COL14A1: variants seen among roughly 807,000 people sequenced by gnomAD.
The protein encoded by COL14A1 is collagen type XIV alpha 1 chain.
A neutral mutation model predicts 230.3 loss-of-function variants in COL14A1; 136 were observed. That is an observed-to-expected ratio of 0.59 (90% confidence interval 0.51 to 0.68). COL14A1 has a LOEUF of 0.68. COL14A1 is among the 30% of genes least tolerant of loss of function. The probability of loss-of-function intolerance (pLI) is 0.00; values close to 1 mark genes in which losing one functional copy is unlikely to be tolerated. For missense variants in COL14A1, 1,976 were observed against 2,215.8 expected, an observed-to-expected ratio of 0.89 and a Z score of 2.17; for synonymous variants, 792 against 784.1, an observed-to-expected ratio of 1.01 and a Z score of -0.17.
chr8:120,229,980 A>C (rs1228672315), intron 18 of COL14A1, among the ~76,000 whole-genome samples: 2 of 152,128 alleles, frequency 1.3e-5, no homozygotes, highest in Non-Finnish European at 2.9e-5. Context: ...TCCTGGGCTC[A>C]TGTGATCCTC....
intron 5 of COL14A1, among the ~76,000 whole-genome samples, chr8:120,194,436 C>T (rs143911417): frequency 6.6e-6 from 1 of 152,088 alleles, no homozygotes; most frequent in Non-Finnish European, 1.5e-5. Flanking sequence ...TGACCATACC[C>T]CACACTTATG....
At chr8:120,152,241 C>T (rs867077104) in intron 2 of COL14A1, among the ~76,000 whole-genome samples, 1 of 151,790 alleles carries the variant, frequency 6.6e-6, no homozygotes, top group Non-Finnish European at 1.5e-5. Flanking sequence ...GCGGGCGGAT[C>T]ACGAGGTCAG....
chr8:120,255,441 C>A, intron 23 of COL14A1, 85 bp downstream of exon 23: 1 of 994,660 alleles, frequency 1.0e-6, no homozygotes, highest in Non-Finnish European at 1.6e-6. Context: ...ACACAAGTAG[C>A]ATTAGACAAC....
At chr8:120,338,793 T>G (rs1822176642) in intron 42 of COL14A1, among the ~76,000 whole-genome samples, 1 of 152,198 alleles carries the variant, frequency 6.6e-6, no homozygotes, top group South Asian at 2.1e-4. Flanking sequence ...ATTTGCTGAT[T>G]TTTTTGTTTT....
At chr8:120,133,698 C>A (rs1814620740) in intron 1 of COL14A1, among the ~76,000 whole-genome samples, 1 of 152,072 alleles carries the variant, frequency 6.6e-6, no homozygotes, top group Admixed American at 6.5e-5. Flanking sequence ...TCTTCAAAAT[C>A]AAAGTCATGC....
At chr8:120,314,495 A>G (rs939321698) in intron 38 of COL14A1, among the ~76,000 whole-genome samples, 1 of 152,132 alleles carries the variant, frequency 6.6e-6, no homozygotes, top group Non-Finnish European at 1.5e-5. Context: ...TTTTTAGATG[A>G]TGTATTTTAT....
chr8:120,307,131 A>C (rs1336465155), intron 36 of COL14A1, among the ~76,000 whole-genome samples: 2 of 152,186 alleles, frequency 1.3e-5, no homozygotes, highest in African/African-American at 4.8e-5. Context: ...TTCTTGATCA[A>C]ATTGGCCAAA....
At chr8:120,363,241 C>A (rs1328230945) in intron 45 of COL14A1, among the ~76,000 whole-genome samples, 1 of 152,154 alleles carries the variant, frequency 6.6e-6, no homozygotes, top group African/African-American at 2.4e-5. Flanking sequence ...GAACACTATG[C>A]AACCATAAAA....
intron 5 of COL14A1, among the ~76,000 whole-genome samples, chr8:120,169,211 A>G (rs1344881163): frequency 6.6e-6 from 1 of 152,220 alleles, no homozygotes; most frequent in African/African-American, 2.4e-5. Flanking sequence ...TATCACAAAC[A>G]TGCTGTAACA....
intron 20 of COL14A1, 65 bp downstream of exon 20, chr8:120,244,073 A>C: frequency 6.4e-7 from 1 of 1,554,926 alleles, no homozygotes; most frequent in Non-Finnish European, 8.7e-7. Flanking sequence ...TGTCCCCTGT[A>C]ATGCACCCTG....
intron 19 of COL14A1, among the ~76,000 whole-genome samples, chr8:120,235,585 T>A (rs1298879443): frequency 6.6e-6 from 1 of 152,212 alleles, no homozygotes; most frequent in East Asian, 1.9e-4. Flanking sequence ...ATTCACTGAT[T>A]TTTTGAAGGG....
intron 1 of COL14A1, among the ~76,000 whole-genome samples, chr8:120,139,269 T>C (rs1814816885): frequency 6.6e-6 from 1 of 152,264 alleles, no homozygotes; most frequent in Admixed American, 6.5e-5. Context: ...AATATCACCA[T>C]TTCTTTCAAG....
In COL14A1 at chr8:120,196,924, G is replaced by T. The variant is rs1229678049; in HGVS notation, c.570G>T (p.Val190=). 2 of 1,613,828 alleles carry T rather than the reference G, an allele frequency of 1.2e-6. No individual in the cohort carries two copies. Among genetic ancestry groups the T allele is most frequent in the African/African-American group, 2.7e-5 (2 of 75,014 alleles). The part of the protein sequence containing the change: ...FLENLVTAFD[V]GSEKTRIGLA... The stretch of plus-strand genomic sequence containing the variant: ...AAAACCTGGTTACAGCATTCGATGT[G>T]GGCTCAGAGAAGACACGAATTGGTA... The change falls in exon 6 of 48, where the codon GTG becomes GTT. Residue 190 remains valine, a synonymous_variant. Transcript: ENST00000297848.
chr8:120,193,847 C>T (rs1263267442), intron 5 of COL14A1, among the ~76,000 whole-genome samples: 4 of 152,204 alleles, frequency 2.6e-5, no homozygotes, highest in Non-Finnish European at 5.9e-5. Context: ...GTAGGACCCT[C>T]CGAGCCAGGT....
rs1563746440 is a variant in COL14A1, at chr8:120,339,738, T to A, written c.4786-1587T>A. Among the ~76,000 whole-genome samples the A allele has an allele frequency of 9.5e-5, 14 of 146,910 alleles. No individual in the cohort carries two copies. In the South Asian group the frequency reaches 2.4e-3, roughly 25 times the overall value. ...AACACTAAGATTCTAACATCATGTT[T>A]AAAAAAAAAAAGTGTTGGCCAGGTG... On this transcript the variant is annotated intron_variant, in intron 42 of 47. Coordinates refer to ENST00000297848, the MANE Select transcript of COL14A1 (RefSeq NM_021110.4).
intron 25 of COL14A1, among the ~76,000 whole-genome samples, chr8:120,268,450 T>C (rs975275140): frequency 6.6e-6 from 1 of 151,684 alleles, no homozygotes; most frequent in African/African-American, 2.4e-5. Flanking sequence ...ATGGATATTA[T>C]TCCGTAAACA....
rs545744136 is a variant in COL14A1, at chr8:120,248,240, T to G, written c.2602+505T>G. 4.6e-5 allele frequency among the ~76,000 whole-genome samples: 7 copies of G among 152,148 alleles called. No homozygotes were observed. The East Asian group carries it at 1.2e-3, about 25-fold the overall frequency. On this transcript the variant is annotated intron_variant, in intron 21 of 47. Coordinates refer to ENST00000297848, the MANE Select transcript of COL14A1 (RefSeq NM_021110.4). ...AAAACTCATCACGGTAGTAAAATGC[T>G]TTTCCACCAGTCTCTTAGCCACCTC...
At chr8:120,292,045 A>G (rs1563721260) in intron 34 of COL14A1, among the ~76,000 whole-genome samples, 2 of 152,116 alleles carry the variant, frequency 1.3e-5, no homozygotes, top group Admixed American at 6.5e-5. Flanking sequence ...TGTTTTGCAT[A>G]TATTCCATGT....
chr8:120,258,473 T>C (rs1819226019), intron 23 of COL14A1, among the ~76,000 whole-genome samples: 3 of 152,198 alleles, frequency 2.0e-5, no homozygotes, highest in African/African-American at 7.2e-5. Flanking sequence ...CACCCCTGTA[T>C]CTGGTGGTGG....
Sources: allele counts gnomAD v4.1 joint callset (sites outside exome capture counted in the v4.1 genomes callset), GRCh38; gene constraint gnomAD v4.1.1; transcripts MANE v1.5; gene names NCBI Gene and HGNC (gene_info 2026-07-23, HGNC 2026-07-21).